The following TOR1AIP2 variants were observed in gnomAD, a reference collection of about 807,000 sequenced individuals.
TOR1AIP2 encodes torsin-1A-interacting protein 2.
Under a neutral mutation model 32.6 loss-of-function variants are expected in TOR1AIP2, and 20 were observed. The observed-to-expected ratio is 0.61, with a 90% CI of 0.43 to 0.89. The LOEUF (loss-of-function observed/expected upper bound fraction) is 0.89. TOR1AIP2 is among the 40% of genes least tolerant of loss of function. The probability of loss-of-function intolerance (pLI) is 0.00; values close to 1 mark genes in which losing one functional copy is unlikely to be tolerated. For synonymous variants in TOR1AIP2, 214 were observed against 210.8 expected (o/e 1.02, Z -0.13); for missense variants, 456 against 553.8 (o/e 0.82, Z 1.77).
Position 179,844,303 on chromosome 1 carries a change from C to T in TOR1AIP2, c.*1768G>A, listed in dbSNP as rs562210604. Reference sequence around the variant, plus strand: ...TCGAAGTCCCAAATGCAAATTCTTCCTTCAGGTATGCCCCTACACTCAATT... The same window carrying T: ...TCGAAGTCCCAAATGCAAATTCTTCTTTCAGGTATGCCCCTACACTCAATT... On this transcript the variant is annotated 3_prime_UTR_variant, in exon 7 of 7. Transcript: ENST00000609928. The T allele has an allele frequency of 1.3e-5, 2 of 152,286 alleles. No individual in the cohort carries two copies. Among genetic ancestry groups the T allele is most frequent in the South Asian group, 2.1e-4 (1 of 4,830 alleles). The allele number at this position is 152,286 out of a possible 1,614,324, so 9.4% of individuals were successfully genotyped here.
At chr1:179,864,994 G>C in intron 3 of TOR1AIP2, 1 of 1,613,992 alleles carries the variant, frequency 6.2e-7, no homozygotes, top group South Asian at 1.1e-5. Flanking sequence ...GAAGAACAAG[G>C]CTTCTATTAG....
intron 4 of TOR1AIP2, among the ~76,000 whole-genome samples, chr1:179,852,276 A>AG (rs1278221837): frequency 6.6e-6 from 1 of 151,892 alleles, no homozygotes; most frequent in Non-Finnish European, 1.5e-5. Flanking sequence ...AAAAAAAAAA[A>AG]AGGAGAAGAA....
In TOR1AIP2 at chr1:179,842,361, TATTG is replaced by T. The variant is rs1695748454; in HGVS notation, c.*3706_*3709del. ...CAAATGAAATGTATTGAAATGTCTT[TATTG>T]ATTGCTTTTTAAAATAGAAATATGA... On this transcript the variant is annotated 3_prime_UTR_variant, in exon 7 of 7. Transcript: ENST00000609928. 6.6e-6 allele frequency: 1 copy of T among 152,214 alleles called. No individual in the cohort carries two copies. The highest frequency in any genetic ancestry group is 1.5e-5 in the Non-Finnish European group (1 of 68,050). The allele number at this position is 152,214 out of a possible 1,614,324, so 9.4% of individuals were successfully genotyped here. A position where few individuals can be genotyped will look rare whatever the true frequency, so the allele number is the denominator to read the frequency against.
chr1:179,855,079 C>A (rs1696249854), intron 3 of TOR1AIP2, among the ~76,000 whole-genome samples: 1 of 152,178 alleles, frequency 6.6e-6, no homozygotes, highest in South Asian at 2.1e-4. Flanking sequence ...AATTAGATTT[C>A]TGTCTCCTAT....
At chr1:179,859,595 ATTTG>A (rs772137949) in intron 3 of TOR1AIP2, 5 of 985,262 alleles carry the variant, frequency 5.1e-6, no homozygotes, top group Non-Finnish European at 6.0e-6. Context: ...CACTTCAGGA[ATTTG>A]TTTATTTCAG....
rs1328221170 is a variant in TOR1AIP2, at chr1:179,843,260, C to T, written c.*2811G>A. ...GTGGCTCGTGCCTATAATCCTAGCA[C>T]TTTGAAAGACCAAGGCAGGCGGATC... On this transcript the variant is annotated 3_prime_UTR_variant, in exon 7 of 7. Transcript: ENST00000609928. The T allele has an allele frequency of 1.3e-5, 2 of 151,998 alleles. No individual in the cohort carries two copies. The highest frequency in any genetic ancestry group is 4.8e-5 in the African/African-American group (2 of 41,498). 9.4% of individuals were successfully genotyped at this position (151,998 alleles called of 1,614,324 possible). A position where few individuals can be genotyped will look rare whatever the true frequency, so the allele number is the denominator to read the frequency against.
At chr1:179,865,053 G>A (rs917623238) in intron 3 of TOR1AIP2, 12 of 1,613,866 alleles carry the variant, frequency 7.4e-6, no homozygotes, top group African/African-American at 1.3e-5. Flanking sequence ...CTGTTAATAC[G>A]GTCTAAGAAT....
At chr1:179,867,123 TA>T (rs1696814509) in intron 2 of TOR1AIP2, among the ~76,000 whole-genome samples, 1 of 152,136 alleles carries the variant, frequency 6.6e-6, no homozygotes, top group South Asian at 2.1e-4. Flanking sequence ...CTTACAGAAG[TA>T]ATAGCTGTGA....
intron 3 of TOR1AIP2, chr1:179,861,134 T>C: frequency 1.0e-6 from 1 of 985,466 alleles, no homozygotes; most frequent in Non-Finnish European, 1.2e-6. Context: ...AATGCTACCA[T>C]AACATATAAG....
At chr1:179,852,259 A>G (rs1370064074) in intron 4 of TOR1AIP2, among the ~76,000 whole-genome samples, 2 of 151,548 alleles carry the variant, frequency 1.3e-5, no homozygotes, top group Non-Finnish European at 2.9e-5. Flanking sequence ...CAGCCTGGGT[A>G]ACATAAAAAA....
Position 179,852,686 on chromosome 1 carries a change from G to A in TOR1AIP2, c.-21C>T. On this transcript the variant is annotated 5_prime_UTR_variant, in exon 4 of 7. Coordinates refer to ENST00000609928, the MANE Select transcript of TOR1AIP2 (RefSeq NM_001199260.2). ...GCCATGTTTGTGTTCTATCTCTTCA[G>A]AGTTGGGAGGATACTTTTTTTAGTA... 6.2e-7 allele frequency: 1 copy of A among 1,613,960 alleles called. No individual in the cohort carries two copies. Among genetic ancestry groups the A allele is most frequent in the Admixed American group, 1.7e-5 (1 of 60,016 alleles).
chr1:179,840,051 A>AT lies in TOR1AIP2; in HGVS notation c.*6019dup, dbSNP rs1695673943. On this transcript the variant is annotated 3_prime_UTR_variant, in exon 7 of 7. Coordinates refer to ENST00000609928, the MANE Select transcript of TOR1AIP2 (RefSeq NM_001199260.2). ...CATCATCAGCATCTATAAGAAACAA[A>AT]TACAAAAGCAATCCCTGTTATACAG... 6.6e-6 allele frequency: 1 copy of AT among 152,270 alleles called. No individual in the cohort carries two copies. Among genetic ancestry groups the AT allele is most frequent in the South Asian group, 2.1e-4 (1 of 4,834 alleles). 9.4% of individuals were successfully genotyped at this position (152,270 alleles called of 1,614,324 possible).
intron 3 of TOR1AIP2, chr1:179,860,912 T>C: frequency 1.0e-6 from 1 of 985,478 alleles, no homozygotes; most frequent in Non-Finnish European, 1.2e-6. Flanking sequence ...ATTCTTTGGA[T>C]GCCATGGACT....
Position 179,843,863 on chromosome 1 carries a change from GA to G in TOR1AIP2, c.*2207del. ...AAAAAGACTTTTGAAATAGCAGACA[GA>G]AAACTGACAACACCCTCAATTGATT... On this transcript the variant is annotated 3_prime_UTR_variant, in exon 7 of 7. Transcript: ENST00000609928. The G allele has an allele frequency of 7.0e-6, 1 of 143,026 alleles. No individual in the cohort carries two copies. Among genetic ancestry groups the G allele is most frequent in the East Asian group, 2.0e-4 (1 of 5,048 alleles). 8.9% of individuals were successfully genotyped at this position (143,026 alleles called of 1,614,324 possible).
chr1:179,847,996 G>A (rs1281433), intron 5 of TOR1AIP2, among the ~76,000 whole-genome samples: 1,559 of 146,422 alleles, frequency 0.011, 27 homozygotes, highest in African/African-American at 0.037. Flanking sequence ...TCGTGCCACT[G>A]CACTCCAGCC....
chr1:179,864,771 A>G (rs1450715243), intron 3 of TOR1AIP2: 1 of 1,579,448 alleles, frequency 6.3e-7, no homozygotes, highest in Admixed American at 1.9e-5. Flanking sequence ...AATTTTGACT[A>G]TTATAGAAGC....
At chr1:179,859,279 A>G (rs1696422615) in intron 3 of TOR1AIP2, 3 of 829,358 alleles carry the variant, frequency 3.6e-6, no homozygotes. Context: ...CAACAATCTT[A>G]TGAGGTGTAG....
At position 179,856,254 on chromosome 1, in the gene TOR1AIP2, T is replaced by C. The variant is rs576422717; in HGVS notation, c.-146-3443A>G. 2.0e-5 allele frequency among the ~76,000 whole-genome samples: 3 copies of C among 152,348 alleles called. No individual in the cohort carries two copies. In the South Asian group the frequency reaches 6.2e-4, roughly 32 times the overall value. The stretch of plus-strand genomic sequence containing the variant: ...TCAAACTTAAAATCTGTACATTAAT[T>C]GTATGTGACATAGATTATCCTCAAT... On this transcript the variant is annotated intron_variant, in intron 3 of 6. Coordinates refer to ENST00000609928, the MANE Select transcript of TOR1AIP2 (RefSeq NM_001199260.2).
rs763163448 is a variant in TOR1AIP2, at chr1:179,846,224, G to A, written c.1260C>T (p.Asp420=). The A allele has an allele frequency of 1.9e-6, 3 of 1,614,160 alleles. No homozygotes were observed. The highest frequency in any genetic ancestry group is 2.5e-6 in the Non-Finnish European group (3 of 1,180,040). The change falls in exon 7 of 7, where the codon GAC becomes GAT. Residue 420 remains aspartate (D), a synonymous_variant. Transcript: ENST00000609928. The stretch of plus-strand genomic sequence containing the variant: ...AGTTGGTAAACTTGGCCCAGAGTAA[G>A]TCTCTCACTTTTTCTTCCGTTTCCC... The part of the protein sequence containing the change: ...GPRETEEKVR[D]LLWAKFTNSD...
Sources: gnomAD v4.1 joint callset for allele counts (sites outside exome capture counted in the v4.1 genomes callset) on GRCh38, gnomAD v4.1.1 for gene constraint, MANE v1.5 for transcripts, NCBI Gene and HGNC (gene_info 2026-07-23, HGNC 2026-07-21) for gene names.